SLC38A3: variants seen among roughly 807,000 people sequenced by gnomAD.
SLC38A3 encodes the protein sodium-coupled neutral amino acid transporter 3.
In SLC38A3, 17 loss-of-function variants were observed where a neutral mutation model predicts 59.5. The observed-to-expected ratio is 0.29, with a 90% CI of 0.20 to 0.43. The LOEUF is 0.43. Among genes scored for constraint, SLC38A3 ranks in the 20% least tolerant of loss-of-function variants. SLC38A3 has a pLI of 1.00. For missense variants in SLC38A3, 454 were observed against 653.9 expected, an observed-to-expected ratio of 0.69 and a Z score of 3.33; for synonymous variants, 238 against 260.3, an observed-to-expected ratio of 0.91 and a Z score of 0.82.
At chr3:50,216,409 T>C (rs1038865095) in intron 7 of SLC38A3, among the ~76,000 whole-genome samples, 1 of 152,214 alleles carries the variant, frequency 6.6e-6, no homozygotes, top group African/African-American at 2.4e-5. Context: ...GGCTTGCCTT[T>C]GAGGATGGTC....
chr3:50,220,229 C>T lies in SLC38A3; in HGVS notation c.*52C>T, dbSNP rs1423239221. The T allele has an allele frequency of 2.9e-6, 4 of 1,379,202 alleles. No homozygotes were observed. The highest frequency in any genetic ancestry group is 4.0e-6 in the Non-Finnish European group (4 of 994,214). The allele number at this position is 1,379,202 out of a possible 1,614,324, so 85.4% of individuals were successfully genotyped here. On this transcript the variant is annotated 3_prime_UTR_variant, in exon 16 of 16. Coordinates refer to ENST00000614032, the MANE Select transcript of SLC38A3 (RefSeq NM_006841.6). Reference sequence around the variant, plus strand: ...TCACCCTAGCAGCCCTGCCCAGACTCTTCAGCCCCTGCTCCCATCCAGTGG... The same window carrying T: ...TCACCCTAGCAGCCCTGCCCAGACTTTTCAGCCCCTGCTCCCATCCAGTGG...
At chr3:50,212,734 T>C (rs952262139) in intron 1 of SLC38A3, among the ~76,000 whole-genome samples, 17 of 152,158 alleles carry the variant, frequency 1.1e-4, no homozygotes, top group Non-Finnish European at 1.9e-4. Context: ...GCACCAGGCC[T>C]GAGGCCTGAG....
Position 50,220,470 on chromosome 3 carries a change from G to T in SLC38A3, c.*293G>T, listed in dbSNP as rs1196457997. 2 of 409,024 alleles carry T rather than the reference G, an allele frequency of 4.9e-6. No homozygotes were observed. The highest frequency in any genetic ancestry group is 9.1e-6 in the Non-Finnish European group (2 of 220,588). The allele number at this position is 409,024 out of a possible 1,614,324, so 25.3% of individuals were successfully genotyped here. On this transcript the variant is annotated 3_prime_UTR_variant, in exon 16 of 16. Coordinates refer to ENST00000614032, the MANE Select transcript of SLC38A3 (RefSeq NM_006841.6). ...CCCCTCATTCCCTCCTTGCACAGATGCATACACTGGGGCCCAGCAGCTGCC... is the reference window on the plus strand; with the variant it reads ...CCCCTCATTCCCTCCTTGCACAGATTCATACACTGGGGCCCAGCAGCTGCC...
Position 50,210,681 on chromosome 3 carries a change from G to A in SLC38A3, c.-51-3468G>A, listed in dbSNP as rs183737739. ...CCAAACTCAACACCTGCCGAGGTGTGCCTGATGAATTCTCACCAGGTGATG... is the reference window on the plus strand; with the variant it reads ...CCAAACTCAACACCTGCCGAGGTGTACCTGATGAATTCTCACCAGGTGATG... On this transcript the variant is annotated intron_variant, in intron 1 of 15. Coordinates refer to ENST00000614032, the MANE Select transcript of SLC38A3 (RefSeq NM_006841.6). Among the ~76,000 whole-genome samples the A allele has an allele frequency of 8.5e-5, 13 of 152,324 alleles. No individual in the cohort carries two copies. In the South Asian group the frequency reaches 2.5e-3, roughly 29 times the overall value.
rs1699862887 is a variant in SLC38A3, at chr3:50,218,954, G to T, written c.1306+6G>T. ...GGGCATCTTTGGGGTCATCGGTGAGGGTCTGGCCCTGCTGTGGAAGCAGGG... is the reference window on the plus strand; with the variant it reads ...GGGCATCTTTGGGGTCATCGGTGAGTGTCTGGCCCTGCTGTGGAAGCAGGG... On this transcript the variant is annotated splice_donor_region_variant and intron_variant, in intron 14 of 15. Transcript: ENST00000614032. The surrounding 1 kb of genome is among the most constrained non-coding windows in gnomAD (Gnocchi z 5.8). The T allele has an allele frequency of 6.2e-7, 1 of 1,604,816 alleles. No homozygotes were observed. The highest frequency in any genetic ancestry group is 1.7e-5 in the Admixed American group (1 of 59,880).
chr3:50,217,424 G>A lies in SLC38A3; in HGVS notation c.641G>A (p.Gly214Asp), dbSNP rs761297138. 1 of 1,613,324 alleles carries A rather than the reference G, an allele frequency of 6.2e-7. No individual in the cohort carries two copies. Among genetic ancestry groups the A allele is most frequent in the Non-Finnish European group, 8.5e-7 (1 of 1,179,626 alleles). The change falls in exon 9 of 16, where the codon GGC (glycine) becomes GAC (aspartate). Residue 214 changes from glycine (G) to aspartate (D), a missense_variant. By Grantham distance (94) the Gly-to-Asp change is moderately conservative. This residue lies in a region of SLC38A3 where 390 missense variants were observed against 557.9 expected (regional missense o/e 0.70). Transcript: ENST00000614032. The surrounding 1 kb of genome is among the most constrained non-coding windows in gnomAD (Gnocchi z 4.9). ...LALMRQLGYL[G>D]YSSGFSLSCM... Reference sequence around the variant, plus strand: ...TCCCTCCACTTTGCAGGCTACCTGGGCTACTCCAGCGGCTTCTCTCTTAGC... The same window carrying A: ...TCCCTCCACTTTGCAGGCTACCTGGACTACTCCAGCGGCTTCTCTCTTAGC...
intron 14 of SLC38A3, 131 bp downstream of exon 14, chr3:50,219,079 C>T: frequency 1.7e-6 from 2 of 1,181,110 alleles, no homozygotes; most frequent in Non-Finnish European, 2.4e-6. Flanking sequence ...GGCCTTCCAT[C>T]TGAGCTTTTG....
intron 1 of SLC38A3, among the ~76,000 whole-genome samples, chr3:50,213,760 C>G (rs1699768749): frequency 6.6e-6 from 1 of 152,192 alleles, no homozygotes; most frequent in Non-Finnish European, 1.5e-5. Context: ...AGAAGTCTGT[C>G]CTGGGTACAT....
chr3:50,209,091 G>T (rs748038246), intron 1 of SLC38A3, among the ~76,000 whole-genome samples: 1 of 152,212 alleles, frequency 6.6e-6, no homozygotes, highest in African/African-American at 2.4e-5. Flanking sequence ...GCTGGCTGGC[G>T]CAGGGTCTCC....
chr3:50,219,910 A>G lies in SLC38A3; in HGVS notation c.1336A>G (p.Ile446Val). Residue 446 changes from isoleucine to valine, a missense_variant, in exon 15 of 16, where the codon ATC (isoleucine) becomes GTC (valine). By Grantham distance (29) the Ile-to-Val change is conservative. This residue lies in a region of SLC38A3 where 5 missense variants were observed against 25.2 expected (regional missense o/e 0.20). Transcript: ENST00000614032. ...CACATCTGCCCCATTCCTCATCTTC[A>G]TCTTCCCTGCCATCTTCTACTTCCG... ...GATSAPFLIF[I>V]FPAIFYFRIM... 1 of 1,613,200 alleles carries G rather than the reference A, an allele frequency of 6.2e-7. No individual in the cohort carries two copies. Among genetic ancestry groups the G allele is most frequent in the Non-Finnish European group, 8.5e-7 (1 of 1,179,622 alleles).
chr3:50,218,947 C>A lies in SLC38A3; in HGVS notation c.1305C>A (p.Ile435=). The change falls in exon 14 of 16, where the codon ATC becomes ATA. Residue 435 remains isoleucine (I), a splice_region_variant and synonymous_variant. Coordinates refer to ENST00000614032, the MANE Select transcript of SLC38A3 (RefSeq NM_006841.6). The surrounding 1 kb of genome is among the most constrained non-coding windows in gnomAD (Gnocchi z 5.8). ...APNILGIFGV[I]GATSAPFLIF... Reference sequence around the variant, plus strand: ...ACATCCTGGGCATCTTTGGGGTCATCGGTGAGGGTCTGGCCCTGCTGTGGA... The same window carrying A: ...ACATCCTGGGCATCTTTGGGGTCATAGGTGAGGGTCTGGCCCTGCTGTGGA... 6.2e-7 allele frequency: 1 copy of A among 1,609,148 alleles called. No individual in the cohort carries two copies. Among genetic ancestry groups the A allele is most frequent in the Non-Finnish European group, 8.5e-7 (1 of 1,176,032 alleles).
At position 50,218,780 on chromosome 3, in the gene SLC38A3, T is replaced by C; in HGVS notation, c.1162-24T>C. 2 of 1,599,468 alleles carry C rather than the reference T, an allele frequency of 1.3e-6. No individual in the cohort carries two copies. Among genetic ancestry groups the C allele is most frequent in the Non-Finnish European group, 1.7e-6 (2 of 1,167,816 alleles). ...GGGGCTGATGGGGCCAACAGGCTGATGATTCTTCTCACCTGCCCCCCAGGT... is the reference window on the plus strand; with the variant it reads ...GGGGCTGATGGGGCCAACAGGCTGACGATTCTTCTCACCTGCCCCCCAGGT... On this transcript the variant is annotated intron_variant, in intron 13 of 15. Coordinates refer to ENST00000614032, the MANE Select transcript of SLC38A3 (RefSeq NM_006841.6). This position sits in a 1 kb window ranked among gnomAD's most constrained non-coding sequence, Gnocchi z 5.8.
chr3:50,209,449 C>A (rs1398535565), intron 1 of SLC38A3, among the ~76,000 whole-genome samples: 1 of 152,094 alleles, frequency 6.6e-6, no homozygotes, highest in Admixed American at 6.5e-5. Flanking sequence ...GAGATCGAGA[C>A]CATCCTGGCT....
At position 50,218,163 on chromosome 3, in the gene SLC38A3, A is replaced by C. The variant is rs1207726874; in HGVS notation, c.936-107A>C. ...TTATGAGCAAGAAGGAGACTCCCTC[A>C]GATGCTGAATGGTGAAAGTATGGTG... is the stretch of plus-strand genomic sequence containing the variant. On this transcript the variant is annotated intron_variant, in intron 11 of 15. Transcript: ENST00000614032. This position sits in a 1 kb window ranked among gnomAD's most constrained non-coding sequence, Gnocchi z 5.8. 40 of 1,055,508 alleles carry C rather than the reference A, an allele frequency of 3.8e-5. No homozygotes were observed. Among genetic ancestry groups the C allele is most frequent in the Non-Finnish European group, 4.7e-5 (32 of 685,260 alleles). 65.4% of individuals were successfully genotyped at this position (1,055,508 alleles called of 1,614,324 possible).
At chr3:50,219,056 AT>A in intron 14 of SLC38A3, 108 bp downstream of exon 14, 1 of 1,388,368 alleles carries the variant, frequency 7.2e-7, no homozygotes, top group Non-Finnish European at 9.8e-7. Context: ...TGCAGTGGCC[AT>A]GTGCACAGTT....
At position 50,217,641 on chromosome 3, in the gene SLC38A3, G is replaced by T; in HGVS notation, c.691-35G>T. The T allele has an allele frequency of 6.2e-7, 1 of 1,611,104 alleles. No individual in the cohort carries two copies. ...GTGACTTCCCAGGCAGTCCAGCCTG[G>T]GAGTCTCTGACACCCTCATCCCTCC... On this transcript the variant is annotated intron_variant, in intron 9 of 15. Transcript: ENST00000614032. This position sits in a 1 kb window ranked among gnomAD's most constrained non-coding sequence, Gnocchi z 4.9.
intron 1 of SLC38A3, among the ~76,000 whole-genome samples, chr3:50,205,902 G>C (rs537140501): frequency 1.3e-5 from 2 of 152,376 alleles, no homozygotes; most frequent in East Asian, 3.9e-4. Flanking sequence ...GGCCGCCTGA[G>C]GGGCCGCGGG....
At position 50,217,885 on chromosome 3, in the gene SLC38A3, G is replaced by A. The variant is rs990133215; in HGVS notation, c.856-32G>A. ...AGGCGGGGGCCCAATGAGAGTGGCAGACTGCCTTGACACAGCCCCGTGTTT... is the reference window on the plus strand; with the variant it reads ...AGGCGGGGGCCCAATGAGAGTGGCAAACTGCCTTGACACAGCCCCGTGTTT... On this transcript the variant is annotated intron_variant, in intron 10 of 15. Coordinates refer to ENST00000614032, the MANE Select transcript of SLC38A3 (RefSeq NM_006841.6). The surrounding 1 kb of genome is among the most constrained non-coding windows in gnomAD (Gnocchi z 4.9). The A allele has an allele frequency of 6.8e-5, 110 of 1,613,918 alleles. No individual in the cohort carries two copies. Among genetic ancestry groups the A allele is most frequent in the Non-Finnish European group, 9.0e-5 (106 of 1,179,900 alleles).
In SLC38A3 at chr3:50,217,315, A is replaced by G. The variant is rs746959765; in HGVS notation, c.626A>G (p.Gln209Arg). 3.1e-6 allele frequency: 5 copies of G among 1,613,496 alleles called. No individual in the cohort carries two copies. In the Admixed American group the frequency reaches 8.3e-5, roughly 27 times the overall value. Residue 209 changes from glutamine (Q) to arginine (R), a missense_variant, in exon 8 of 16, where the codon CAG becomes CGG. Around this residue, in one of 3 missense-constraint regions of SLC38A3, gnomAD observed 390 missense variants for 557.9 expected, o/e 0.70. Transcript: ENST00000614032. The surrounding 1 kb of genome is among the most constrained non-coding windows in gnomAD (Gnocchi z 4.9). ...TIILPLALMR[Q>R]LGYLGYSSGF... ...ATTCTGCCCCTGGCACTGATGCGGC[A>G]GCTTGGTGAGTGTGGAAGGGTCAGA...
Sources: allele counts gnomAD v4.1 joint callset (sites outside exome capture counted in the v4.1 genomes callset), GRCh38; gene constraint gnomAD v4.1.1; regional missense constraint gnomAD v4.1.1; non-coding constraint Gnocchi (gnomAD v3.1); transcripts MANE v1.5; gene names NCBI Gene and HGNC (gene_info 2026-07-23, HGNC 2026-07-21).